The following PIP5K1B variants were observed in gnomAD, a reference collection of about 807,000 sequenced individuals.
The protein encoded by PIP5K1B is phosphatidylinositol 4-phosphate 5-kinase type-1 beta.
PIP5K1B carries 42 observed loss-of-function variants against 67.0 expected under a neutral mutation model. The observed-to-expected ratio is 0.63, with a 90% CI of 0.49 to 0.81. PIP5K1B has a LOEUF of 0.81. Ranked by LOEUF, PIP5K1B falls within the 30% of genes least tolerant of loss-of-function variation. The pLI is 0.00. For synonymous variants in PIP5K1B, 214 were observed against 231.4 expected (o/e 0.92, Z 0.68); for missense variants, 459 against 646.3 (o/e 0.71, Z 3.14).
chr9:68,979,068 C>G (rs1829769443), intron 14 of PIP5K1B, among the ~76,000 whole-genome samples: 1 of 152,182 alleles, frequency 6.6e-6, no homozygotes, highest in Non-Finnish European at 1.5e-5. Context: ...ATAGATTTGT[C>G]ATTGGGAAAT....
rs145845254 is a variant in PIP5K1B, at chr9:68,912,724, G to A, written c.772-4824G>A. Among the ~76,000 whole-genome samples the A allele has an allele frequency of 1.3e-3, 203 of 152,274 alleles. 2 individuals carry two copies. Among genetic ancestry groups the A allele is most frequent in the Non-Finnish European group, 8.2e-4 (56 of 68,020 alleles). On this transcript the variant is annotated intron_variant, in intron 8 of 15. Coordinates refer to ENST00000265382, the MANE Select transcript of PIP5K1B (RefSeq NM_003558.4). Reference sequence around the variant, plus strand: ...TCAAACCAGGCCATCTGGTTCCAGAGCAAGGAGACTGAACCACCCTGCAGC... The same window carrying A: ...TCAAACCAGGCCATCTGGTTCCAGAACAAGGAGACTGAACCACCCTGCAGC...
At chr9:68,751,142 C>T (rs998842067) in intron 2 of PIP5K1B, among the ~76,000 whole-genome samples, 5 of 152,112 alleles carry the variant, frequency 3.3e-5, no homozygotes, top group South Asian at 4.1e-4. Context: ...TTGGGCAAGT[C>T]GTGTAACCTC....
chr9:68,899,230 A>G (rs1825240870), intron 8 of PIP5K1B, among the ~76,000 whole-genome samples: 1 of 152,118 alleles, frequency 6.6e-6, no homozygotes, highest in Non-Finnish European at 1.5e-5. Flanking sequence ...TCGTCTCAGG[A>G]CTACTCAGGG....
intron 2 of PIP5K1B, among the ~76,000 whole-genome samples, chr9:68,808,394 G>C (rs964656009): frequency 4.1e-5 from 6 of 146,658 alleles, no homozygotes; most frequent in African/African-American, 1.6e-4. Flanking sequence ...TACTCCCCCC[G>C]ACTCCCAGCT....
intron 6 of PIP5K1B, among the ~76,000 whole-genome samples, chr9:68,879,946 A>G (rs1245198870): frequency 2.0e-5 from 3 of 152,262 alleles, no homozygotes; most frequent in Non-Finnish European, 2.9e-5. Context: ...CATGTTGTAT[A>G]CCATAAAAGT....
At chr9:68,884,132 A>C (rs1035252151) in intron 6 of PIP5K1B, among the ~76,000 whole-genome samples, 4 of 152,198 alleles carry the variant, frequency 2.6e-5, no homozygotes, top group Non-Finnish European at 4.4e-5. Flanking sequence ...ACAGGCAAAA[A>C]AGTAAAAATA....
At chr9:68,994,963 T>C (rs1395223130) in intron 15 of PIP5K1B, among the ~76,000 whole-genome samples, 1 of 145,514 alleles carries the variant, frequency 6.9e-6, no homozygotes, top group Non-Finnish European at 1.5e-5. Context: ...CAGTGATACC[T>C]CATCTCTACA....
intron 4 of PIP5K1B, among the ~76,000 whole-genome samples, chr9:68,862,426 T>C (rs2132256388): frequency 6.6e-6 from 1 of 152,258 alleles, no homozygotes; most frequent in African/African-American, 2.4e-5. Context: ...AAGGACCGAA[T>C]TCAGGGGACA....
chr9:68,815,396 G>C (rs1833391477), intron 2 of PIP5K1B, among the ~76,000 whole-genome samples: 1 of 151,856 alleles, frequency 6.6e-6, no homozygotes, highest in African/African-American at 2.4e-5. Flanking sequence ...CAATTAAAAG[G>C]AGAGAATCTG....
At chr9:68,823,436 C>T (rs1337640321) in intron 4 of PIP5K1B, among the ~76,000 whole-genome samples, 1 of 152,130 alleles carries the variant, frequency 6.6e-6, no homozygotes, top group Non-Finnish European at 1.5e-5. Flanking sequence ...CATTTCCTAC[C>T]TTTGTATTTT....
chr9:68,713,839 C>T (rs1040425317), intron 1 of PIP5K1B, among the ~76,000 whole-genome samples: 1 of 152,216 alleles, frequency 6.6e-6, no homozygotes, highest in Non-Finnish European at 1.5e-5. Flanking sequence ...TGAGAGCTTA[C>T]TCTGTTCCAG....
At chr9:68,934,792 C>T in intron 12 of PIP5K1B, 98 bp from the exon 13 acceptor site, 1 of 854,324 alleles carries the variant, frequency 1.2e-6, no homozygotes, top group East Asian at 3.0e-5. Context: ...CAAATAATAA[C>T]TAAAATGTTA....
At chr9:68,827,379 C>T (rs778039627) in intron 4 of PIP5K1B, among the ~76,000 whole-genome samples, 1 of 152,218 alleles carries the variant, frequency 6.6e-6, no homozygotes, top group Non-Finnish European at 1.5e-5. Context: ...TAGCCACAAG[C>T]TATGTGTGGC....
rs1335155054 is a variant in PIP5K1B at position 68,822,654 on chromosome 9, A to C, written c.40A>C (p.Lys14Gln). 1 of 1,613,460 alleles carries C rather than the reference A, an allele frequency of 6.2e-7. No individual in the cohort carries two copies. Among genetic ancestry groups the C allele is most frequent in the Non-Finnish European group, 8.5e-7 (1 of 1,179,518 alleles). ...AAENGEAAPG[K>Q]QNEEKTYKKT... ...TGAAAATGGAGAGGCAGCACCTGGA[A>C]AACAAAATGAAGAAAAAACCTATAA... The change falls in exon 4 of 16, where the codon AAA (lysine) becomes CAA (glutamine). Residue 14 changes from lysine (K) to glutamine (Q), a missense_variant. Around this residue, in one of 2 missense-constraint regions of PIP5K1B, gnomAD observed 290 missense variants for 474.4 expected, o/e 0.61. Transcript: ENST00000265382.
chr9:68,942,623 G>A (rs749703911), intron 14 of PIP5K1B, among the ~76,000 whole-genome samples: 5 of 152,120 alleles, frequency 3.3e-5, no homozygotes, highest in East Asian at 1.9e-4. Flanking sequence ...TTCCACCTCC[G>A]CATGCTCCCA....
chr9:68,805,565 G>A (rs1238550448), intron 2 of PIP5K1B, among the ~76,000 whole-genome samples: 1 of 152,168 alleles, frequency 6.6e-6, no homozygotes, highest in Admixed American at 6.5e-5. Context: ...GGCACACAGA[G>A]GTTAAGCCAC....
chr9:68,726,269 A>G (rs1044532197), intron 1 of PIP5K1B, among the ~76,000 whole-genome samples: 8 of 152,294 alleles, frequency 5.3e-5, no homozygotes, highest in African/African-American at 1.4e-4. Flanking sequence ...CTATGTACCA[A>G]TGAAAATTAC....
Position 68,919,687 on chromosome 9 carries a change from G to T in PIP5K1B, c.1074G>T (p.Met358Ile). 6.4e-7 allele frequency: 1 copy of T among 1,552,272 alleles called. No homozygotes were observed. The highest frequency in any genetic ancestry group is 1.1e-5 in the South Asian group (1 of 88,636). The change falls in exon 11 of 16, where the codon ATG (methionine) becomes ATT (isoleucine). Residue 358 changes from methionine to isoleucine, a missense_variant. Physicochemically the swap from Met to Ile is conservative, Grantham distance 10 (BLOSUM62 1). Around this residue, in one of 2 missense-constraint regions of PIP5K1B, gnomAD observed 290 missense variants for 474.4 expected, o/e 0.61. Transcript: ENST00000265382. The stretch of plus-strand genomic sequence containing the variant: ...TTTTTCCATTTATATTTAGGTTAAT[G>T]AAGAAGTTAGAACATTCCTGGAAAG... ...IIDILQSYRLMKKLEHSWKAL... is the reference protein window; with the variant it reads ...IIDILQSYRLIKKLEHSWKAL...
chr9:68,771,830 G>A (rs1318307032), intron 2 of PIP5K1B, among the ~76,000 whole-genome samples: 1 of 152,202 alleles, frequency 6.6e-6, no homozygotes, highest in East Asian at 1.9e-4. Flanking sequence ...AGATGGCTGA[G>A]CTCTGTGGAT....
Sources: gnomAD v4.1 joint callset for allele counts (sites outside exome capture counted in the v4.1 genomes callset) on GRCh38, gnomAD v4.1.1 for gene constraint, gnomAD v4.1.1 regional missense constraint, MANE v1.5 for transcripts, NCBI Gene and HGNC (gene_info 2026-07-23, HGNC 2026-07-21) for gene names.